The following PTPRD variants were observed in gnomAD, a reference collection of about 807,000 sequenced individuals.
PTPRD encodes the protein receptor-type tyrosine-protein phosphatase delta.
A neutral mutation model predicts 214.5 loss-of-function variants in PTPRD; 34 were observed. The observed-to-expected ratio is 0.16, with a 90% confidence interval of 0.12 to 0.21. PTPRD has a LOEUF of 0.21. PTPRD is among the 10% of genes least tolerant of loss of function. The pLI, the probability that PTPRD is intolerant of heterozygous loss-of-function variation, is 1.00. For synonymous variants in PTPRD, 1,128 were observed against 845.7 expected (o/e 1.33, Z -5.79); for missense variants, 2,545 against 2,398.7 (o/e 1.06, Z -1.27).
chr9:10,026,261 A>C (rs2096921584), intron 4 of PTPRD, among the ~76,000 whole-genome samples: 1 of 152,222 alleles, frequency 6.6e-6, no homozygotes, highest in Admixed American at 6.5e-5. Flanking sequence ...TAGTACAAAG[A>C]TTGAACAAGG....
intron 14 of PTPRD, among the ~76,000 whole-genome samples, chr9:8,620,086 C>T (rs1001749972): frequency 6.6e-6 from 1 of 151,962 alleles, no homozygotes. Context: ...ATCAGAACCT[C>T]AGATGGAACA....
intron 35 of PTPRD, among the ~76,000 whole-genome samples, chr9:8,418,650 G>A (rs772818003): frequency 4.7e-5 from 7 of 150,250 alleles, no homozygotes; most frequent in East Asian, 2.0e-4. Flanking sequence ...TATTTCTTTC[G>A]GAATTACACG....
chr9:9,801,208 C>T (rs367633283), intron 5 of PTPRD, among the ~76,000 whole-genome samples: 8 of 151,902 alleles, frequency 5.3e-5, no homozygotes, highest in East Asian at 1.9e-4. Flanking sequence ...CATTAGTACC[C>T]GGTATACATT....
intron 4 of PTPRD, among the ~76,000 whole-genome samples, chr9:10,012,304 C>T (rs10809006): frequency 0.48 from 72,723 of 150,790 alleles, 20,834 homozygotes; most frequent in Middle Eastern, 0.66. Context: ...GGGGTAGGGT[C>T]GGTGGAAGAT....
At chr9:9,015,268 T>C (rs1216316823) in intron 11 of PTPRD, among the ~76,000 whole-genome samples, 4 of 152,060 alleles carry the variant, frequency 2.6e-5, no homozygotes, top group Non-Finnish European at 5.9e-5. Context: ...CAGGATGAGA[T>C]AGGAGGTCAA....
At chr9:8,805,102 T>C (rs556700203) in intron 11 of PTPRD, among the ~76,000 whole-genome samples, 3 of 152,286 alleles carry the variant, frequency 2.0e-5, no homozygotes, top group South Asian at 2.1e-4. Context: ...GATCAGAACC[T>C]ATACCTCACA....
chr9:8,811,956 A>C (rs995635029), intron 11 of PTPRD, among the ~76,000 whole-genome samples: 2 of 149,904 alleles, frequency 1.3e-5, no homozygotes, highest in Non-Finnish European at 3.0e-5. Context: ...TGCACAGGGA[A>C]GCTTCGAGGA....
intron 3 of PTPRD, among the ~76,000 whole-genome samples, chr9:10,076,437 T>C (rs952934281): frequency 1.1e-4 from 17 of 152,174 alleles, no homozygotes; most frequent in Non-Finnish European, 1.9e-4. Flanking sequence ...GCATCATTGC[T>C]TATTAACTCT....
intron 10 of PTPRD, among the ~76,000 whole-genome samples, chr9:9,073,349 T>C (rs2154411579): frequency 6.6e-6 from 1 of 152,326 alleles, no homozygotes; most frequent in East Asian, 1.9e-4. Flanking sequence ...TAGGACAATA[T>C]GGGACTTCTT....
chr9:8,958,849 G>A (rs1031481151), intron 11 of PTPRD: 1 of 151,922 alleles, frequency 6.6e-6, no homozygotes, highest in Non-Finnish European at 1.5e-5. Flanking sequence ...TGTCTGAGAG[G>A]TAAGATAATA....
chr9:8,754,108 G>A (rs2093772606), intron 11 of PTPRD, among the ~76,000 whole-genome samples: 1 of 152,088 alleles, frequency 6.6e-6, no homozygotes, highest in Non-Finnish European at 1.5e-5. Flanking sequence ...TCGCACCACT[G>A]CACTCCAGCC....
intron 5 of PTPRD, among the ~76,000 whole-genome samples, chr9:9,853,529 AT>A (rs2060946226): frequency 1.3e-5 from 2 of 151,828 alleles, no homozygotes; most frequent in South Asian, 4.2e-4. Context: ...GTGTATTAAT[AT>A]TTTTAAGGGT....
At chr9:9,552,300 G>C (rs1007247860) in intron 8 of PTPRD, among the ~76,000 whole-genome samples, 12 of 151,974 alleles carry the variant, frequency 7.9e-5, no homozygotes, top group African/African-American at 2.9e-4. Context: ...TTAATTTCAA[G>C]TCAGTCATTG....
At chr9:9,583,579 G>A (rs541484079) in intron 7 of PTPRD, among the ~76,000 whole-genome samples, 21 of 152,048 alleles carry the variant, frequency 1.4e-4, no homozygotes, top group African/African-American at 2.6e-4. Flanking sequence ...AGATAACTAC[G>A]CATTTAAGAA....
intron 10 of PTPRD, among the ~76,000 whole-genome samples, chr9:9,032,232 A>C (rs1290202534): frequency 6.6e-6 from 1 of 152,016 alleles, no homozygotes; most frequent in Non-Finnish European, 1.5e-5. Flanking sequence ...ACCCAACGCC[A>C]CATTCTGAAA....
rs113838547 is a variant in PTPRD at position 8,604,653 on chromosome 9, A to G, written c.352+28664T>C. Among the ~76,000 whole-genome samples, 1,280 of 152,302 alleles carry G rather than the reference A, an allele frequency of 8.4e-3. 22 individuals carry two copies. Among genetic ancestry groups the G allele is most frequent in the African/African-American group, 0.03 (1,226 of 41,554 alleles). The stretch of plus-strand genomic sequence containing the variant: ...ATAAGGGGGACTCAAGCTAAATCAG[A>G]TAAATATAGCATGAAAAGAGGAGGT... On this transcript the variant is annotated intron_variant, in intron 14 of 45. Transcript: ENST00000381196.
At chr9:8,775,077 C>A (rs558639319) in intron 11 of PTPRD, among the ~76,000 whole-genome samples, 1 of 151,994 alleles carries the variant, frequency 6.6e-6, no homozygotes, top group Non-Finnish European at 1.5e-5. Context: ...TCCAGTGATG[C>A]CTTAAGTGAT....
intron 9 of PTPRD, among the ~76,000 whole-genome samples, chr9:9,375,092 CGTGT>C (rs920270289): frequency 6.6e-6 from 1 of 151,930 alleles, no homozygotes; most frequent in Non-Finnish European, 1.5e-5. Flanking sequence ...TGTGTATGTG[CGTGT>C]GTGTGTTGGC....
At chr9:8,426,588 T>C (rs962541418) in intron 35 of PTPRD, among the ~76,000 whole-genome samples, 6 of 152,126 alleles carry the variant, frequency 3.9e-5, no homozygotes, top group African/African-American at 1.4e-4. Flanking sequence ...TGTCCAGTGA[T>C]GGTCAAGGGC....
Sources: allele counts gnomAD v4.1 joint callset (sites outside exome capture counted in the v4.1 genomes callset), GRCh38; gene constraint gnomAD v4.1.1; transcripts MANE v1.5; gene names NCBI Gene and HGNC (gene_info 2026-07-23, HGNC 2026-07-21).